The following RIMS1 variants were observed in gnomAD, a reference collection of about 807,000 sequenced individuals.
RIMS1 encodes regulating synaptic membrane exocytosis 1, also known as regulating synaptic membrane exocytosis protein 1.
Under a neutral mutation model 214.1 loss-of-function variants are expected in RIMS1, and 83 were observed. The observed-to-expected ratio is 0.39, with a 90% confidence interval of 0.32 to 0.47. The LOEUF (loss-of-function observed/expected upper bound fraction) is 0.47. Ranked by LOEUF, RIMS1 falls within the 20% of genes least tolerant of loss-of-function variation. The pLI is 0.99. For missense variants in RIMS1, 2,050 were observed against 2,161.8 expected (o/e 0.95, Z 1.03); for synonymous variants, 793 against 786.8 (o/e 1.01, Z -0.13).
intron 2 of RIMS1, among the ~76,000 whole-genome samples, chr6:72,071,895 A>T (rs1370366085): frequency 6.6e-6 from 1 of 152,230 alleles, no homozygotes; most frequent in East Asian, 1.9e-4. Context: ...AGGGAAGGAC[A>T]TAACAGATAG....
In RIMS1 at chr6:72,240,151, A is replaced by G. The variant is rs544285020; in HGVS notation, c.1958-2163A>G. On this transcript the variant is annotated intron_variant, in intron 9 of 33. Coordinates refer to ENST00000521978, the MANE Select transcript of RIMS1 (RefSeq NM_014989.7). ...ATGTCATTTTCATCTTTGTACCCTCATTGTCTACATCCCTGCTTGATTATC... is the reference window on the plus strand; with the variant it reads ...ATGTCATTTTCATCTTTGTACCCTCGTTGTCTACATCCCTGCTTGATTATC... 2.0e-5 allele frequency among the ~76,000 whole-genome samples: 3 copies of G among 152,292 alleles called. No homozygotes were observed. In the South Asian group the frequency reaches 6.2e-4, roughly 32 times the overall value.
At chr6:71,923,001 C>T (rs774468638) in intron 1 of RIMS1, among the ~76,000 whole-genome samples, 6 of 152,114 alleles carry the variant, frequency 3.9e-5, no homozygotes, top group African/African-American at 1.4e-4. Context: ...GGCTGGCACC[C>T]AAGATCTGCC....
chr6:72,129,056 C>T (rs941161254), intron 4 of RIMS1, among the ~76,000 whole-genome samples: 3 of 152,146 alleles, frequency 2.0e-5, no homozygotes, highest in Non-Finnish European at 2.9e-5. Flanking sequence ...GTTTCCTCCA[C>T]ATTTTAAATT....
At chr6:72,210,684 T>A (rs1249040790) in intron 6 of RIMS1, among the ~76,000 whole-genome samples, 1 of 152,228 alleles carries the variant, frequency 6.6e-6, no homozygotes. Context: ...TAGCTTTGAT[T>A]ATTATTGCTT....
At chr6:72,077,352 G>A (rs1487652997) in intron 2 of RIMS1, among the ~76,000 whole-genome samples, 1 of 152,190 alleles carries the variant, frequency 6.6e-6, no homozygotes, top group African/African-American at 2.4e-5. Context: ...AGTTTTCTGT[G>A]AACAAGGACT....
chr6:71,929,391 G>T, intron 1 of RIMS1, among the ~76,000 whole-genome samples: 1 of 152,090 alleles, frequency 6.6e-6, no homozygotes, highest in East Asian at 1.9e-4. Flanking sequence ...ACTCTTATAT[G>T]CCACATTTAG....
At chr6:72,125,508 C>T (rs1004768135) in intron 4 of RIMS1, among the ~76,000 whole-genome samples, 1 of 152,216 alleles carries the variant, frequency 6.6e-6, no homozygotes, top group African/African-American at 2.4e-5. Flanking sequence ...AGATCCACTG[C>T]TCTTTTCAGA....
intron 1 of RIMS1, among the ~76,000 whole-genome samples, chr6:71,900,731 G>C (rs1012409828): frequency 2.0e-5 from 3 of 152,058 alleles, no homozygotes; most frequent in Admixed American, 1.3e-4. Context: ...TTTAGTCCTG[G>C]TTATTTGGCT....
chr6:72,224,759 A>G (rs956269892), intron 6 of RIMS1, among the ~76,000 whole-genome samples: 15 of 152,026 alleles, frequency 9.9e-5, no homozygotes, highest in Non-Finnish European at 4.4e-5. Context: ...TTTGTGGTTT[A>G]TCTTATTTCA....
chr6:72,238,008 T>C (rs138737921), intron 9 of RIMS1, 86 bp downstream of exon 9: 121 of 789,844 alleles, frequency 1.5e-4, no homozygotes, highest in Admixed American at 8.6e-4. Context: ...GTTAGTTTTA[T>C]ATATACATAC....
intron 24 of RIMS1, 43 bp from the exon 25 acceptor site, chr6:72,290,636 T>A (rs1461490638): frequency 6.4e-7 from 1 of 1,565,294 alleles, no homozygotes; most frequent in Non-Finnish European, 8.7e-7. Flanking sequence ...AAAGTTAATG[T>A]GAACCTGCTG....
At chr6:72,232,918 T>G (rs961957259) in intron 6 of RIMS1, among the ~76,000 whole-genome samples, 1 of 151,894 alleles carries the variant, frequency 6.6e-6, no homozygotes, top group Non-Finnish European at 1.5e-5. Flanking sequence ...TTAACTAGCA[T>G]GCTTTACTCA....
At chr6:72,284,255 C>T in intron 24 of RIMS1, 137 bp downstream of exon 24, 1 of 593,542 alleles carries the variant, frequency 1.7e-6, no homozygotes, top group Non-Finnish European at 2.9e-6. Context: ...TAAACCTACC[C>T]CTAAATGGAA....
chr6:72,315,169 A>T (rs2095704982), intron 28 of RIMS1, among the ~76,000 whole-genome samples: 1 of 152,206 alleles, frequency 6.6e-6, no homozygotes, highest in Non-Finnish European at 1.5e-5. Flanking sequence ...CTTTGTGGAG[A>T]ACATGGCAAC....
intron 2 of RIMS1, among the ~76,000 whole-genome samples, chr6:72,044,034 G>T (rs1211997173): frequency 2.6e-5 from 4 of 151,216 alleles, no homozygotes; most frequent in Non-Finnish European, 5.9e-5. Context: ...TTTATTAAAG[G>T]ATTTATTAAA....
intron 4 of RIMS1, among the ~76,000 whole-genome samples, chr6:72,148,892 G>A (rs2043120710): frequency 6.6e-6 from 1 of 152,004 alleles, no homozygotes; most frequent in African/African-American, 2.4e-5. Context: ...ATCATAAGCA[G>A]AGTGCTAAGG....
intron 4 of RIMS1, among the ~76,000 whole-genome samples, chr6:72,171,019 T>C (rs1307321999): frequency 2.6e-5 from 4 of 152,030 alleles, no homozygotes; most frequent in Non-Finnish European, 5.9e-5. Context: ...AGAGAAGATA[T>C]AAGCTGTCCT....
intron 1 of RIMS1, among the ~76,000 whole-genome samples, chr6:71,905,566 A>G (rs535409781): frequency 5.4e-5 from 8 of 147,368 alleles, no homozygotes; most frequent in African/African-American, 1.9e-4. Flanking sequence ...ATAATTTAAT[A>G]AATTAATATT....
intron 6 of RIMS1, among the ~76,000 whole-genome samples, chr6:72,229,928 A>T (rs1197105181): frequency 1.3e-5 from 2 of 151,816 alleles, no homozygotes; most frequent in Non-Finnish European, 3.0e-5. Context: ...TTAAAAACCT[A>T]TTCTTAGAAC....
Sources: allele counts gnomAD v4.1 joint callset (sites outside exome capture counted in the v4.1 genomes callset), GRCh38; gene constraint gnomAD v4.1.1; transcripts MANE v1.5; gene names NCBI Gene and HGNC (gene_info 2026-07-23, HGNC 2026-07-21).